TULP3: variants seen among roughly 807,000 people sequenced by gnomAD.
TULP3 encodes the protein tubby-related protein 3.
TULP3 carries 38 observed loss-of-function variants against 50.7 expected under a neutral mutation model. The observed-to-expected ratio is 0.75, with a 90% confidence interval of 0.58 to 0.98. The LOEUF (loss-of-function observed/expected upper bound fraction) is 0.98, where lower values mean the gene tolerates loss of function less well. TULP3 is among the 50% of genes least tolerant of loss of function. The probability of loss-of-function intolerance (pLI) is 0.00; values close to 1 mark genes in which losing one functional copy is unlikely to be tolerated. For synonymous variants in TULP3, 183 were observed against 196.6 expected (o/e 0.93, Z 0.58); for missense variants, 550 against 568.0 (o/e 0.97, Z 0.32).
At chr12:2,896,124 G>A (rs1338447188) in intron 1 of TULP3, among the ~76,000 whole-genome samples, 2 of 152,056 alleles carry the variant, frequency 1.3e-5, no homozygotes, top group East Asian at 3.9e-4. Flanking sequence ...ATTTTTAGTA[G>A]AAACGGGGTT....
chr12:2,933,979 TG>T (rs1363976381), intron 7 of TULP3, among the ~76,000 whole-genome samples: 2 of 151,694 alleles, frequency 1.3e-5, no homozygotes, highest in Non-Finnish European at 2.9e-5. Context: ...GCTGGTGTGG[TG>T]GCTCAGGCCT....
chr12:2,911,181 A>G (rs1287495839), intron 2 of TULP3, among the ~76,000 whole-genome samples: 1 of 152,032 alleles, frequency 6.6e-6, no homozygotes, highest in African/African-American at 2.4e-5. Context: ...TAACTTTTGT[A>G]AGCCTTTTTG....
chr12:2,909,859 G>T (rs11831303), intron 2 of TULP3, among the ~76,000 whole-genome samples: 41,951 of 152,162 alleles, frequency 0.28, 7,201 homozygotes, highest in South Asian at 0.46. Flanking sequence ...GGAATTAGAA[G>T]AGTGTTAACA....
chr12:2,930,271 G>C lies in TULP3; in HGVS notation c.418G>C (p.Asp140His), dbSNP rs192385949. Residue 140 changes from aspartate (D) to histidine (H), a missense_variant, in exon 5 of 11, where the codon GAT (aspartate) becomes CAT (histidine). Asp to His is a moderately conservative substitution (Grantham distance 81). Coordinates refer to ENST00000448120, the MANE Select transcript of TULP3 (RefSeq NM_003324.5). ...AGATATCTCTGAAAGTGTGAACTTC[G>C]ATGAGGAGACTGATGGAATATCCCA... ...KHDISESVNF[D>H]EETDGISQSA... is the part of the protein sequence containing the mutation. The C allele has an allele frequency of 1.1e-5, 18 of 1,612,494 alleles. No homozygotes were observed. In the East Asian group the frequency reaches 2.9e-4, roughly 26 times the overall value.
At chr12:2,891,820 A>G (rs1460550463) in intron 1 of TULP3, among the ~76,000 whole-genome samples, 1 of 152,112 alleles carries the variant, frequency 6.6e-6, no homozygotes, top group Non-Finnish European at 1.5e-5. Flanking sequence ...TTGGGAGGCC[A>G]AGGCAGGAGG....
chr12:2,901,292 TTTTCTTTC>T (rs1159630428), intron 1 of TULP3, among the ~76,000 whole-genome samples: 3 of 143,258 alleles, frequency 2.1e-5, no homozygotes, highest in Non-Finnish European at 4.5e-5. Flanking sequence ...TTGATTTTTT[TTTTCTTTC>T]TTTCTTTCTT....
rs775582102 is a variant in TULP3, at chr12:2,931,140, G to T, written c.596G>T (p.Gly199Val). ...EDFVYSPAPQGVTVRCRIIRD... is the reference protein window; with the variant it reads ...EDFVYSPAPQVVTVRCRIIRD... ...TTTGTGTATAGTCCTGCCCCTCAAG[G>T]TGTCACAGTAAGATGTCGGATAATC... is the stretch of plus-strand genomic sequence containing the variant. Residue 199 changes from glycine (G) to valine (V), a missense_variant, in exon 6 of 11, where the codon GGT (glycine) becomes GTT (valine). Gly to Val is a moderately radical substitution (Grantham distance 109, BLOSUM62 -3). Transcript: ENST00000448120. 1.2e-6 allele frequency: 2 copies of T among 1,614,168 alleles called. No individual in the cohort carries two copies. The highest frequency in any genetic ancestry group is 1.7e-6 in the Non-Finnish European group (2 of 1,180,038).
intron 1 of TULP3, among the ~76,000 whole-genome samples, chr12:2,905,310 C>CGGG (rs1173393169): frequency 6.6e-6 from 1 of 151,244 alleles, no homozygotes; most frequent in Admixed American, 6.6e-5. Flanking sequence ...CTAAGCCTCC[C>CGGG]GAGTAGCTGG....
At chr12:2,899,819 G>A (rs2098177903) in intron 1 of TULP3, among the ~76,000 whole-genome samples, 1 of 151,306 alleles carries the variant, frequency 6.6e-6, no homozygotes. Flanking sequence ...CATGAACCCA[G>A]GAGGCGGAGC....
At chr12:2,913,350 C>T (rs904316007) in intron 2 of TULP3, among the ~76,000 whole-genome samples, 8 of 151,502 alleles carry the variant, frequency 5.3e-5, no homozygotes, top group African/African-American at 1.2e-4. Context: ...TGGGCTCAAG[C>T]GATCCTCCCA....
intron 1 of TULP3, among the ~76,000 whole-genome samples, chr12:2,903,206 A>C (rs2098180211): frequency 6.6e-6 from 1 of 152,126 alleles, no homozygotes; most frequent in African/African-American, 2.4e-5. Context: ...AATGAAAAAA[A>C]AATTACCAAA....
In TULP3 at chr12:2,922,259, T is replaced by C; in HGVS notation, c.254-3T>C. ...TTAAAATTCATTTTATTTTGGCCCT[T>C]AGGTATTGATGGTCCAGCTGCTGTC... is the stretch of plus-strand genomic sequence containing the variant. On this transcript the variant is annotated splice_region_variant and splice_polypyrimidine_tract_variant and intron_variant, in intron 3 of 10. Coordinates refer to ENST00000448120, the MANE Select transcript of TULP3 (RefSeq NM_003324.5). The C allele has an allele frequency of 6.2e-7, 1 of 1,608,466 alleles. No homozygotes were observed. The highest frequency in any genetic ancestry group is 8.5e-7 in the Non-Finnish European group (1 of 1,178,790).
At chr12:2,922,966 G>A (rs567380308) in intron 4 of TULP3, among the ~76,000 whole-genome samples, 3 of 150,040 alleles carry the variant, frequency 2.0e-5, no homozygotes, top group Non-Finnish European at 4.4e-5. Context: ...CCATTCTCCT[G>A]CCTCAGCCTC....
Position 2,939,878 on chromosome 12 carries a change from T to C in TULP3, c.*434T>C. ...CTTGGTGAGGGATCACAGCTTAGCA[T>C]GGGTGAGAGATGATTTAAAGCACAG... On this transcript the variant is annotated 3_prime_UTR_variant, in exon 11 of 11. Coordinates refer to ENST00000448120, the MANE Select transcript of TULP3 (RefSeq NM_003324.5). This position sits in a 1 kb window ranked among gnomAD's most constrained non-coding sequence, Gnocchi z 4.0. 2 of 1,221,362 alleles carry C rather than the reference T, an allele frequency of 1.6e-6. No homozygotes were observed. Among genetic ancestry groups the C allele is most frequent in the Non-Finnish European group, 2.1e-6 (2 of 954,186 alleles). The allele number at this position is 1,221,362 out of a possible 1,614,324, so 75.7% of individuals were successfully genotyped here.
chr12:2,933,347 G>T, intron 6 of TULP3, 71 bp from the exon 7 acceptor site: 1 of 917,400 alleles, frequency 1.1e-6, no homozygotes, highest in Non-Finnish European at 1.8e-6. Context: ...TGAATATGTA[G>T]GACAACCATG....
At position 2,921,997 on chromosome 12, in the gene TULP3, C is replaced by T. The variant is rs560321389; in HGVS notation, c.254-265C>T. On this transcript the variant is annotated intron_variant, in intron 3 of 10. Transcript: ENST00000448120. ...ACTCGGGGGACTGAAGTGGGAGGAT[C>T]GTTTGAGCCTAGGAAGTCGAGGCTA... 3.3e-5 allele frequency among the ~76,000 whole-genome samples: 5 copies of T among 152,214 alleles called. No homozygotes were observed. The East Asian group carries it at 7.7e-4, about 24-fold the overall frequency.
chr12:2,908,949 T>A (rs2098183934), intron 1 of TULP3, among the ~76,000 whole-genome samples: 1 of 152,182 alleles, frequency 6.6e-6, no homozygotes, highest in African/African-American at 2.4e-5. Flanking sequence ...CTTCAGGAAT[T>A]CAGTAGGCTC....
intron 1 of TULP3, among the ~76,000 whole-genome samples, chr12:2,904,346 A>G (rs2098181015): frequency 1.3e-5 from 2 of 152,076 alleles, no homozygotes; most frequent in South Asian, 2.1e-4. Context: ...TGTCTCACCT[A>G]TATCTATCTG....
At chr12:2,897,531 G>C (rs1355230004) in intron 1 of TULP3, among the ~76,000 whole-genome samples, 2 of 152,076 alleles carry the variant, frequency 1.3e-5, no homozygotes, top group African/African-American at 4.8e-5. Flanking sequence ...TAGGGAGGCT[G>C]AGGCAGGAGG....
Sources: allele counts gnomAD v4.1 joint callset (sites outside exome capture counted in the v4.1 genomes callset), GRCh38; gene constraint gnomAD v4.1.1; non-coding constraint Gnocchi (gnomAD v3.1); transcripts MANE v1.5; gene names NCBI Gene and HGNC (gene_info 2026-07-23, HGNC 2026-07-21).